DAB2IP: variants seen among roughly 807,000 people sequenced by gnomAD.
DAB2IP encodes DAB2 interacting protein.
A neutral mutation model predicts 107.2 loss-of-function variants in DAB2IP; 28 were observed. The observed-to-expected ratio is 0.26, with a 90% CI of 0.19 to 0.36. The LOEUF is 0.36. Among genes scored for constraint, DAB2IP ranks in the 10% least tolerant of loss-of-function variants. DAB2IP has a pLI of 1.00. For missense variants in DAB2IP, 1,400 were observed against 1,644.7 expected (o/e 0.85, Z 2.57); for synonymous variants, 755 against 706.4 (o/e 1.07, Z -1.09).
intron 6 of DAB2IP, among the ~76,000 whole-genome samples, chr9:121,761,642 A>G (rs1037118921): frequency 2.6e-5 from 4 of 152,086 alleles, no homozygotes; most frequent in African/African-American, 9.7e-5. Context: ...CCTCCTCCCC[A>G]TGGACCCGCG....
intron 3 of DAB2IP, among the ~76,000 whole-genome samples, chr9:121,707,068 T>C (rs1830092480): frequency 6.6e-6 from 1 of 152,214 alleles, no homozygotes; most frequent in South Asian, 2.1e-4. Context: ...CTGTGTTGGC[T>C]TAGGAGGCCT....
exon 16 of DAB2IP, chr9:121,783,384 C>T: frequency 6.5e-7 from 1 of 1,546,344 alleles, no homozygotes; most frequent in African/African-American, 1.4e-5. Flanking sequence ...GGGCCCAGCA[C>T]ACCCAGGGCA....
intron 1 of DAB2IP, among the ~76,000 whole-genome samples, chr9:121,642,137 G>C (rs983212983): frequency 1.3e-5 from 2 of 148,814 alleles, no homozygotes; most frequent in East Asian, 3.9e-4. Context: ...CTGGAGTAGA[G>C]TGACACGATC....
rs567742062 is a variant in DAB2IP at position 121,701,348 on chromosome 9, C to T, written c.362+1890C>T. On this transcript the variant is annotated intron_variant, in intron 3 of 15. Coordinates refer to ENST00000408936, the Ensembl canonical transcript of DAB2IP. This position sits in a 1 kb window ranked among gnomAD's most constrained non-coding sequence, Gnocchi z 4.7. ...GTGCGGGTCCTGCCCCACTTGGCCT[C>T]AGGTCAGCCTTGCCACATGCTGAAG... 1.3e-5 allele frequency among the ~76,000 whole-genome samples: 2 copies of T among 152,354 alleles called. No individual in the cohort carries two copies. The highest frequency in any genetic ancestry group is 1.9e-4 in the East Asian group (1 of 5,186).
intron 1 of DAB2IP, among the ~76,000 whole-genome samples, chr9:121,641,935 T>TTCTG (rs1554718106): frequency 0.069 from 7,790 of 113,652 alleles, 413 homozygotes; most frequent in South Asian, 0.11. Context: ...CTTTCTTTCT[T>TTCTG]TCTCTCTTTC....
chr9:121,763,679 G>A (rs1386482287), intron 7 of DAB2IP, 30 bp downstream of exon 7: 3 of 1,612,066 alleles, frequency 1.9e-6, no homozygotes, highest in African/African-American at 2.7e-5. Context: ...CAGGGCAGAG[G>A]GTGGGGCAGG....
chr9:121,754,310 A>G (rs751623065), intron 3 of DAB2IP, among the ~76,000 whole-genome samples: 1 of 152,252 alleles, frequency 6.6e-6, no homozygotes, highest in African/African-American at 2.4e-5. Flanking sequence ...CAGGAAGGAA[A>G]CGCATAGGAA....
chr9:121,725,164 C>T (rs557778299), intron 3 of DAB2IP, among the ~76,000 whole-genome samples: 201 of 152,174 alleles, frequency 1.3e-3, no homozygotes, highest in African/African-American at 4.6e-3. Flanking sequence ...AGTGTGTGTG[C>T]GCGCGTGTGT....
intron 3 of DAB2IP, among the ~76,000 whole-genome samples, chr9:121,754,700 C>T (rs1469400821): frequency 6.6e-6 from 1 of 152,206 alleles, no homozygotes; most frequent in Non-Finnish European, 1.5e-5. Context: ...TCTGCAACCA[C>T]AGACTCCAGG....
intron 1 of DAB2IP, among the ~76,000 whole-genome samples, chr9:121,672,041 T>C (rs1478314699): frequency 6.6e-6 from 1 of 152,242 alleles, no homozygotes; most frequent in Non-Finnish European, 1.5e-5. Flanking sequence ...TCAGCAGTGA[T>C]GAAAGTGTTC....
Position 121,699,182 on chromosome 9 carries a change from C to T in DAB2IP, c.229-143C>T. On this transcript the variant is annotated intron_variant, in intron 2 of 15. Transcript: ENST00000408936. This position sits in a 1 kb window ranked among gnomAD's most constrained non-coding sequence, Gnocchi z 6.2. ...GTCGGCGGGCGGGCGGCGCGGGCCG[C>T]GAGCTGCTGGGGCCGAGCCCGAGCC... 1.1e-6 allele frequency: 1 copy of T among 933,064 alleles called. No individual in the cohort carries two copies. Among genetic ancestry groups the T allele is most frequent in the South Asian group, 4.9e-5 (1 of 20,468 alleles). 57.8% of individuals were successfully genotyped at this position (933,064 alleles called of 1,614,324 possible). A position where few individuals can be genotyped will look rare whatever the true frequency, so the allele number is the denominator to read the frequency against.
chr9:121,709,343 CT>C (rs1830219615), intron 3 of DAB2IP, among the ~76,000 whole-genome samples: 1 of 152,124 alleles, frequency 6.6e-6, no homozygotes, highest in Non-Finnish European at 1.5e-5. Context: ...TGGCAAGCTG[CT>C]TCTGATGCTG....
intron 3 of DAB2IP, among the ~76,000 whole-genome samples, chr9:121,745,832 C>G (rs1011265599): frequency 3.3e-5 from 5 of 152,206 alleles, no homozygotes; most frequent in African/African-American, 1.2e-4. Context: ...AAGCTGCCAA[C>G]AAGGAGGGAG....
intron 1 of DAB2IP, among the ~76,000 whole-genome samples, chr9:121,661,121 G>A (rs1178698661): frequency 6.6e-6 from 1 of 152,132 alleles, no homozygotes; most frequent in Non-Finnish European, 1.5e-5. Context: ...CTGTGGACAT[G>A]GCTGATGGGC....
intron 14 of DAB2IP, among the ~76,000 whole-genome samples, chr9:121,780,622 C>CAGGACAAGGCATCTAGG (rs1259748970): frequency 6.6e-6 from 1 of 152,178 alleles, no homozygotes; most frequent in Non-Finnish European, 1.5e-5. Flanking sequence ...CAGAGGCAGA[C>CAGGACAAGGCATCTAGG]AGGACAAGGC....
intron 3 of DAB2IP, among the ~76,000 whole-genome samples, chr9:121,725,725 G>T (rs925235266): frequency 6.6e-6 from 1 of 152,208 alleles, no homozygotes; most frequent in African/African-American, 2.4e-5. Context: ...TCCCTTGAGG[G>T]AGGGAAAGGG....
intron 1 of DAB2IP, among the ~76,000 whole-genome samples, chr9:121,593,770 C>T (rs892382743): frequency 4.0e-5 from 6 of 149,754 alleles, no homozygotes; most frequent in East Asian, 2.0e-4. Context: ...CAGGTTCAAG[C>T]GATTCTCCTG....
chr9:121,604,649 C>T (rs1181198163), intron 1 of DAB2IP, among the ~76,000 whole-genome samples: 2 of 152,174 alleles, frequency 1.3e-5, no homozygotes, highest in Non-Finnish European at 2.9e-5. Flanking sequence ...CCAATTTCAC[C>T]TCCATTTGTT....
chr9:121,682,605 C>T (rs966129622), intron 2 of DAB2IP, among the ~76,000 whole-genome samples: 1 of 152,208 alleles, frequency 6.6e-6, no homozygotes, highest in Non-Finnish European at 1.5e-5. Context: ...CTAGTCCTGC[C>T]CCTGCCTCTT....
Sources: allele counts gnomAD v4.1 joint callset (sites outside exome capture counted in the v4.1 genomes callset), GRCh38; gene constraint gnomAD v4.1.1; non-coding constraint Gnocchi (gnomAD v3.1); transcripts MANE v1.5; gene names NCBI Gene and HGNC (gene_info 2026-07-23, HGNC 2026-07-21).